GPHN: variants seen among roughly 807,000 people sequenced by gnomAD.
The protein encoded by GPHN is gephyrin.
Under a neutral mutation model 95.5 loss-of-function variants are expected in GPHN, and 17 were observed. The ratio of observed to expected loss-of-function variants is 0.18; its 90% CI spans 0.12 to 0.27. The LOEUF is 0.27. Ranked by LOEUF, GPHN falls within the 10% of genes least tolerant of loss-of-function variation. GPHN has a pLI of 1.00. For missense variants in GPHN, 660 were observed against 978.1 expected (o/e 0.67, Z 4.34); for synonymous variants, 320 against 322.5 (o/e 0.99, Z 0.08).
chr14:66,558,550 T>C (rs2060099891), intron 1 of GPHN, among the ~76,000 whole-genome samples: 1 of 152,114 alleles, frequency 6.6e-6, no homozygotes, highest in African/African-American at 2.4e-5. Context: ...TCAATAAGTC[T>C]TTAATGTGCT....
chr14:67,166,849 T>A (rs1461982354), intron 20 of GPHN, among the ~76,000 whole-genome samples: 1 of 152,170 alleles, frequency 6.6e-6, no homozygotes, highest in Non-Finnish European at 1.5e-5. Flanking sequence ...TTTGTATTTT[T>A]TGTAGAGACG....
chr14:67,198,994 G>T, the GPHN span: 1 of 705,312 alleles, frequency 1.4e-6, no homozygotes, highest in South Asian at 1.5e-5. Context: ...TGATTTCACA[G>T]AGGGGTGACA....
the GPHN span, chr14:67,338,833 T>A: frequency 1.1e-5 from 15 of 1,419,196 alleles, no homozygotes; most frequent in African/African-American, 1.9e-4. Context: ...TTTCTTTGAG[T>A]TTTGTAACAA....
chr14:66,859,189 A>G (rs1334771082), intron 4 of GPHN, among the ~76,000 whole-genome samples: 4 of 152,142 alleles, frequency 2.6e-5, no homozygotes, highest in Admixed American at 2.6e-4. Context: ...TGGTTACAGT[A>G]GGCCTTGGGT....
the GPHN span, chr14:67,576,592 C>CTGT: frequency 1.5e-6 from 1 of 676,856 alleles, no homozygotes. This position sits in a 1 kb window ranked among gnomAD's most constrained non-coding sequence, Gnocchi z 4.0. Context: ...AGTGTTGTAC[C>CTGT]CTGAAGCTGT....
the GPHN span, among the ~76,000 whole-genome samples, chr14:67,529,818 C>A: frequency 2.6e-5 from 4 of 152,200 alleles, no homozygotes; most frequent in South Asian, 2.1e-4. Context: ...AGGCAGAGAG[C>A]AGAAGCCTGG....
chr14:66,949,497 G>C (rs886734782), intron 8 of GPHN, among the ~76,000 whole-genome samples: 1 of 152,158 alleles, frequency 6.6e-6, no homozygotes, highest in African/African-American at 2.4e-5. Flanking sequence ...TCTCTAAAAA[G>C]AGAAGTTGGA....
rs535928228 is a variant in GPHN, at chr14:66,525,870, G to A, written c.64+17279G>A. 9.9e-5 allele frequency among the ~76,000 whole-genome samples: 15 copies of A among 152,252 alleles called. 1 individual carries two copies. Among genetic ancestry groups the A allele is most frequent in the South Asian group, 4.1e-4 (2 of 4,832 alleles). ...ATATCTGTTTTGGTACCTGTACCACGCTGGTTTGGTTACTGTAGCCTTGTA... is the reference window on the plus strand; with the variant it reads ...ATATCTGTTTTGGTACCTGTACCACACTGGTTTGGTTACTGTAGCCTTGTA... On this transcript the variant is annotated intron_variant, in intron 1 of 22. Coordinates refer to ENST00000478722, the MANE Select transcript of GPHN (RefSeq NM_020806.5).
the GPHN span, chr14:67,204,863 G>T: frequency 5.0e-6 from 8 of 1,613,938 alleles, no homozygotes; most frequent in Non-Finnish European, 6.8e-6. Flanking sequence ...GAACATGTCA[G>T]GGACAGCATA....
rs890026444 is a variant in GPHN, at chr14:67,175,509, C to T, written c.2080-4069C>T. Among the ~76,000 whole-genome samples, 15 of 152,158 alleles carry T rather than the reference C, an allele frequency of 9.9e-5. 1 individual carries two copies. Among genetic ancestry groups the T allele is most frequent in the Middle Eastern group, 3.4e-3 (1 of 294 alleles). On this transcript the variant is annotated intron_variant, in intron 21 of 22. Coordinates refer to ENST00000478722, the MANE Select transcript of GPHN (RefSeq NM_020806.5). Reference sequence around the variant, plus strand: ...TGTAGTATAGTTTGCAGTCAGGTAGCGTGATGCCTCCAGCTTTGTTGTTTT... The same window carrying T: ...TGTAGTATAGTTTGCAGTCAGGTAGTGTGATGCCTCCAGCTTTGTTGTTTT...
At chr14:67,460,901 G>T in the GPHN span, among the ~76,000 whole-genome samples, 1 of 152,170 alleles carries the variant, frequency 6.6e-6, no homozygotes, top group Non-Finnish European at 1.5e-5. Context: ...TCACGGTCCT[G>T]TATAAAGCAT....
the GPHN span, chr14:67,575,982 C>T: frequency 1.2e-6 from 2 of 1,612,784 alleles, no homozygotes; most frequent in Non-Finnish European, 1.7e-6. Flanking sequence ...CACCTACCTC[C>T]TCATTGGCAC....
At chr14:67,273,280 A>G in the GPHN span, among the ~76,000 whole-genome samples, 1 of 149,362 alleles carries the variant, frequency 6.7e-6, no homozygotes, top group Admixed American at 6.7e-5. Flanking sequence ...CACCTCCCCA[A>G]CCCCACGACA....
At chr14:67,375,090 A>G in the GPHN span, among the ~76,000 whole-genome samples, 1 of 152,118 alleles carries the variant, frequency 6.6e-6, no homozygotes, top group East Asian at 1.9e-4. Flanking sequence ...TTCTTTTTGC[A>G]TTCTTATTTT....
At chr14:66,828,674 G>A (rs2061469158) in intron 4 of GPHN, among the ~76,000 whole-genome samples, 1 of 151,884 alleles carries the variant, frequency 6.6e-6, no homozygotes, top group African/African-American at 2.4e-5. Context: ...AAAAAATGAA[G>A]GATGAAAATG....
chr14:66,760,315 A>G (rs1474597445), intron 2 of GPHN, among the ~76,000 whole-genome samples: 1 of 152,222 alleles, frequency 6.6e-6, no homozygotes, highest in African/African-American at 2.4e-5. Flanking sequence ...AAGAGTCTTT[A>G]TAATCTTTAG....
chr14:67,579,486 C>T, the GPHN span: 1 of 665,080 alleles, frequency 1.5e-6, no homozygotes, highest in Non-Finnish European at 2.5e-6. Flanking sequence ...TAAGAAAGGG[C>T]CTCCAAAAGA....
At chr14:67,252,011 T>C in the GPHN span, among the ~76,000 whole-genome samples, 23,448 of 152,088 alleles carry the variant, frequency 0.15, 3,419 homozygotes, top group East Asian at 0.42. Flanking sequence ...TTCAAGGTGC[T>C]GGGAGGCTGG....
the GPHN span, among the ~76,000 whole-genome samples, chr14:67,631,398 C>G: frequency 6.6e-6 from 1 of 150,900 alleles, no homozygotes; most frequent in Non-Finnish European, 1.5e-5. Flanking sequence ...TTGGCTTCAA[C>G]TCTTCAAATT....
Sources: gnomAD v4.1 joint callset for allele counts (sites outside exome capture counted in the v4.1 genomes callset) on GRCh38, gnomAD v4.1.1 for gene constraint, Gnocchi (gnomAD v3.1) non-coding constraint, MANE v1.5 for transcripts, NCBI Gene and HGNC (gene_info 2026-07-23, HGNC 2026-07-21) for gene names.